The following PPP2CB variants were observed in gnomAD, a reference collection of about 807,000 sequenced individuals.
The protein encoded by PPP2CB is serine/threonine-protein phosphatase 2A catalytic subunit beta isoform.
Under a neutral mutation model 39.1 loss-of-function variants are expected in PPP2CB, and 18 were observed. The ratio of observed to expected loss-of-function variants is 0.46; its 90% CI spans 0.32 to 0.68. The LOEUF is 0.68. Among genes scored for constraint, PPP2CB ranks in the 30% least tolerant of loss-of-function variants. PPP2CB has a pLI of 0.04. For missense variants in PPP2CB, 226 were observed against 396.9 expected, an observed-to-expected ratio of 0.57 and a Z score of 3.66; for synonymous variants, 129 against 133.8, an observed-to-expected ratio of 0.96 and a Z score of 0.25.
At chr8:30,809,429 T>C (rs542893361) in intron 1 of PPP2CB, among the ~76,000 whole-genome samples, 2 of 152,088 alleles carry the variant, frequency 1.3e-5, no homozygotes, top group South Asian at 4.2e-4. Context: ...AGAAAACATA[T>C]ATATGTATAT....
At chr8:30,795,561 T>G (rs1469976745) in intron 3 of PPP2CB, among the ~76,000 whole-genome samples, 1 of 152,250 alleles carries the variant, frequency 6.6e-6, no homozygotes, top group Non-Finnish European at 1.5e-5. Context: ...TTTATTTTTC[T>G]GTGCGTGCCA....
chr8:30,799,479 A>G (rs1806582543), intron 2 of PPP2CB, 67 bp downstream of exon 2: 3 of 1,310,344 alleles, frequency 2.3e-6, no homozygotes, highest in Admixed American at 1.8e-5. Flanking sequence ...ATGATATGCA[A>G]TACTGTCATT....
intron 5 of PPP2CB, among the ~76,000 whole-genome samples, chr8:30,791,864 GTA>G (rs200149486): frequency 0.071 from 10,703 of 151,398 alleles, 563 homozygotes; most frequent in Admixed American, 0.19. Context: ...GTGTATATAT[GTA>G]TATATGTGTG....
intron 1 of PPP2CB, among the ~76,000 whole-genome samples, chr8:30,805,160 C>A (rs145306051): frequency 1.6e-3 from 243 of 152,326 alleles, no homozygotes; most frequent in African/African-American, 5.2e-3. Flanking sequence ...GCTACTCAAG[C>A]CAAGTCGAGA....
intron 3 of PPP2CB, among the ~76,000 whole-genome samples, chr8:30,795,119 A>ATTTTTTT (rs893547625): frequency 6.3e-5 from 8 of 127,492 alleles, no homozygotes; most frequent in East Asian, 2.3e-4. Flanking sequence ...TCTGATTTTG[A>ATTTTTTT]TTTTTTTTTT....
intron 6 of PPP2CB, among the ~76,000 whole-genome samples, chr8:30,788,339 T>C (rs1026122871): frequency 3.9e-5 from 6 of 152,084 alleles, no homozygotes; most frequent in Non-Finnish European, 8.8e-5. Context: ...TCATAGCTCA[T>C]TGCAGCCTTG....
intron 1 of PPP2CB, among the ~76,000 whole-genome samples, chr8:30,806,332 G>C (rs1240160762): frequency 6.6e-6 from 1 of 152,010 alleles, no homozygotes. Context: ...GGGATTACAG[G>C]CGCGAACCAC....
intron 4 of PPP2CB, 50 bp downstream of exon 4, chr8:30,794,142 T>A: frequency 6.2e-7 from 1 of 1,607,154 alleles, no homozygotes; most frequent in Admixed American, 1.7e-5. Flanking sequence ...ATCCTCAAAA[T>A]GTGGTTATAT....
intron 3 of PPP2CB, 61 bp downstream of exon 3, chr8:30,797,520 C>G: frequency 6.8e-7 from 1 of 1,469,606 alleles, no homozygotes; most frequent in Non-Finnish European, 9.2e-7. Flanking sequence ...CCCCAGCTTA[C>G]CAATAGTCAA....
intron 3 of PPP2CB, among the ~76,000 whole-genome samples, chr8:30,795,371 TC>T (rs1393473098): frequency 7.9e-5 from 12 of 152,210 alleles, no homozygotes; most frequent in South Asian, 2.1e-4. Flanking sequence ...CGCCTTGGCC[TC>T]CCAAAGTGCT....
intron 6 of PPP2CB, 68 bp downstream of exon 6, chr8:30,791,129 T>A: frequency 9.3e-7 from 1 of 1,069,644 alleles, no homozygotes; most frequent in Non-Finnish European, 1.4e-6. Context: ...GAAACAGAAA[T>A]CTTCTATTTT....
At chr8:30,811,839 A>T (rs1477533228) in intron 1 of PPP2CB, among the ~76,000 whole-genome samples, 1 of 152,144 alleles carries the variant, frequency 6.6e-6, no homozygotes, top group East Asian at 1.9e-4. Context: ...TTCACCTGAC[A>T]AAAATTCTGC....
At chr8:30,786,509 T>TTTTTTTTTTTTTTTTTTTTTG (rs1554580805) in intron 6 of PPP2CB, 30 of 383,286 alleles carry the variant, frequency 7.8e-5, no homozygotes, top group Admixed American at 2.7e-4. Context: ...GGTGAAAATT[T>TTTTTTTTTTTTTTTTTTTTTG]AAGAAGACAG....
At chr8:30,789,666 C>A (rs1209182431) in intron 6 of PPP2CB, among the ~76,000 whole-genome samples, 1 of 152,152 alleles carries the variant, frequency 6.6e-6, no homozygotes, top group Non-Finnish European at 1.5e-5. Flanking sequence ...CTAGGAGGTG[C>A]TCCTGGATCA....
At chr8:30,811,873 C>A in intron 1 of PPP2CB, among the ~76,000 whole-genome samples, 1 of 152,314 alleles carries the variant, frequency 6.6e-6, no homozygotes, top group East Asian at 1.9e-4. Flanking sequence ...TTCATTAATA[C>A]GCACGACATT....
At chr8:30,796,136 T>C in intron 3 of PPP2CB, among the ~76,000 whole-genome samples, 1 of 152,192 alleles carries the variant, frequency 6.6e-6, no homozygotes, top group East Asian at 1.9e-4. Flanking sequence ...ACAACCTTAA[T>C]TAAAATTTAA....
intron 1 of PPP2CB, among the ~76,000 whole-genome samples, chr8:30,804,794 G>GTTAGGGAC (rs1806691192): frequency 6.6e-6 from 1 of 152,060 alleles, no homozygotes; most frequent in African/African-American, 2.4e-5. Flanking sequence ...TGAGAACAGT[G>GTTAGGGAC]TTAGGGACTG....
At chr8:30,802,811 T>C (rs1053611113) in intron 1 of PPP2CB, among the ~76,000 whole-genome samples, 17 of 152,098 alleles carry the variant, frequency 1.1e-4, no homozygotes, top group African/African-American at 4.1e-4. Flanking sequence ...CATGCTACAA[T>C]ATGGAGGAAT....
intron 5 of PPP2CB, among the ~76,000 whole-genome samples, chr8:30,792,222 T>G (rs1290953696): frequency 6.6e-6 from 1 of 152,002 alleles, no homozygotes; most frequent in Non-Finnish European, 1.5e-5. Flanking sequence ...ACCAGGTTAA[T>G]TTTTTGTATT....
Sources: gnomAD v4.1 joint callset for allele counts (sites outside exome capture counted in the v4.1 genomes callset) on GRCh38, gnomAD v4.1.1 for gene constraint, MANE v1.5 for transcripts, NCBI Gene and HGNC (gene_info 2026-07-23, HGNC 2026-07-21) for gene names.